The following NEK7 variants were observed in gnomAD, a reference collection of about 807,000 sequenced individuals.
The protein encoded by NEK7 is NIMA related kinase 7, also known as serine/threonine-protein kinase Nek7.
NEK7 carries 18 observed loss-of-function variants against 44.6 expected under a neutral mutation model. The observed-to-expected ratio is 0.40, with a 90% CI of 0.28 to 0.60. The LOEUF is 0.60. NEK7 is among the 20% of genes least tolerant of loss of function. The pLI, the probability that NEK7 is intolerant of heterozygous loss-of-function variation, is 0.38. For missense variants in NEK7, 256 were observed against 366.5 expected (o/e 0.70, Z 2.46); for synonymous variants, 130 against 121.1 (o/e 1.07, Z -0.48).
intron 1 of NEK7, among the ~76,000 whole-genome samples, chr1:198,209,180 C>T (rs2102813203): frequency 7.0e-6 from 1 of 143,562 alleles, no homozygotes; most frequent in South Asian, 2.2e-4. Flanking sequence ...GTAAAACTCT[C>T]CTCAGAAGGA....
chr1:198,279,190 C>T (rs1351942745), intron 7 of NEK7, 129 bp downstream of exon 7: 1 of 541,502 alleles, frequency 1.8e-6, no homozygotes, highest in African/African-American at 2.0e-5. Flanking sequence ...AGGTCCTGAA[C>T]AGATGCCTGC....
At chr1:198,265,925 C>T (rs868070236) in intron 5 of NEK7, among the ~76,000 whole-genome samples, 2 of 151,866 alleles carry the variant, frequency 1.3e-5, no homozygotes, top group African/African-American at 2.4e-5. Flanking sequence ...GTTACTTAAC[C>T]ATCATAATAA....
intron 2 of NEK7, among the ~76,000 whole-genome samples, chr1:198,238,812 C>G (rs1395755012): frequency 6.6e-6 from 1 of 152,194 alleles, no homozygotes; most frequent in Non-Finnish European, 1.5e-5. Flanking sequence ...CTTGAACAGT[C>G]TTATCTCCTC....
At position 198,231,139 on chromosome 1, in the gene NEK7, G is replaced by A. The variant is rs151021144; in HGVS notation, c.-28-1414G>A. ...ATAAGCTATAGTAATTAATACTGTA[G>A]TTTTATATAGAGTAGTAATAGTACA... On this transcript the variant is annotated intron_variant, in intron 1 of 9. Transcript: ENST00000367385. Among the ~76,000 whole-genome samples the A allele has an allele frequency of 4.4e-4, 66 of 150,972 alleles. No individual in the cohort carries two copies. In the East Asian group the frequency reaches 0.012, roughly 27 times the overall value.
intron 1 of NEK7, among the ~76,000 whole-genome samples, chr1:198,225,953 A>T (rs986850194): frequency 6.6e-6 from 1 of 152,092 alleles, no homozygotes; most frequent in African/African-American, 2.4e-5. Flanking sequence ...TTTTCTTGAC[A>T]TGCGTACATG....
chr1:198,164,269 C>G (rs976826532), intron 1 of NEK7, among the ~76,000 whole-genome samples: 1 of 152,168 alleles, frequency 6.6e-6, no homozygotes, highest in African/African-American at 2.4e-5. Context: ...GTACCAGGCC[C>G]CCAAGGGAGT....
intron 9 of NEK7, among the ~76,000 whole-genome samples, chr1:198,304,502 T>G (rs1184845246): frequency 2.0e-5 from 3 of 152,126 alleles, no homozygotes; most frequent in Non-Finnish European, 4.4e-5. Context: ...ATAACATAAT[T>G]GGTCTCAGAG....
At chr1:198,287,105 A>G (rs1654394978) in intron 7 of NEK7, among the ~76,000 whole-genome samples, 1 of 152,202 alleles carries the variant, frequency 6.6e-6, no homozygotes, top group Non-Finnish European at 1.5e-5. Context: ...GACTAATTTA[A>G]TAGACATTTT....
At chr1:198,173,466 G>A (rs1419275046) in intron 1 of NEK7, among the ~76,000 whole-genome samples, 1 of 151,214 alleles carries the variant, frequency 6.6e-6, no homozygotes, top group Non-Finnish European at 1.5e-5. Flanking sequence ...TTTTTGAAAG[G>A]TAAATAAATG....
At chr1:198,211,430 T>A (rs1665766833) in intron 1 of NEK7, among the ~76,000 whole-genome samples, 1 of 152,240 alleles carries the variant, frequency 6.6e-6, no homozygotes, top group Non-Finnish European at 1.5e-5. Context: ...TACATAGTTT[T>A]AAATCTTTGT....
chr1:198,221,068 C>G (rs546088379), intron 1 of NEK7: 9 of 152,072 alleles, frequency 5.9e-5, no homozygotes, highest in African/African-American at 1.9e-4. Flanking sequence ...AATCAGAAAA[C>G]TAAAAACTTC....
Position 198,254,760 on chromosome 1 carries a change from G to A in NEK7, c.198+1580G>A, listed in dbSNP as rs545274108. ...TAATGCCAAGTTGCTTTCCAAAGTT[G>A]CACTGGTGTAAGTTTTCGCCAGCAG... On this transcript the variant is annotated intron_variant, in intron 3 of 9. Transcript: ENST00000367385. 3.3e-5 allele frequency among the ~76,000 whole-genome samples: 5 copies of A among 152,234 alleles called. No homozygotes were observed. The South Asian group carries it at 6.2e-4, about 19-fold the overall frequency.
At chr1:198,246,161 G>T (rs1201178909) in intron 2 of NEK7, among the ~76,000 whole-genome samples, 7 of 152,168 alleles carry the variant, frequency 4.6e-5, no homozygotes, top group Non-Finnish European at 8.8e-5. Flanking sequence ...GAAGTATATA[G>T]ATATATTACC....
intron 9 of NEK7, among the ~76,000 whole-genome samples, chr1:198,298,530 A>T (rs528810395): frequency 1.3e-5 from 2 of 152,208 alleles, no homozygotes; most frequent in African/African-American, 2.4e-5. Context: ...TGTTAATACT[A>T]TTATGTTAGC....
chr1:198,204,075 G>A (rs1406431825), intron 1 of NEK7, among the ~76,000 whole-genome samples: 1 of 152,082 alleles, frequency 6.6e-6, no homozygotes, highest in African/African-American at 2.4e-5. Context: ...GGGCAGCATA[G>A]CGAGATCCTG....
chr1:198,218,564 A>C (rs543553621), intron 1 of NEK7, among the ~76,000 whole-genome samples: 2 of 151,992 alleles, frequency 1.3e-5, no homozygotes, highest in South Asian at 4.1e-4. Flanking sequence ...ACCAAAAATA[A>C]ATAAATGGGA....
chr1:198,158,073 T>C (rs961043050), intron 1 of NEK7, among the ~76,000 whole-genome samples: 1 of 152,212 alleles, frequency 6.6e-6, no homozygotes, highest in Non-Finnish European at 1.5e-5. Context: ...TGTTACACTG[T>C]AGGCCTTCAC....
intron 3 of NEK7, among the ~76,000 whole-genome samples, chr1:198,260,361 ACTAGAT>A (rs893643694): frequency 9.2e-5 from 14 of 151,732 alleles, no homozygotes; most frequent in African/African-American, 2.9e-4. Flanking sequence ...AACATATCTT[ACTAGAT>A]AGTTTATGTG....
At chr1:198,161,915 T>G (rs888445969) in intron 1 of NEK7, among the ~76,000 whole-genome samples, 1 of 152,102 alleles carries the variant, frequency 6.6e-6, no homozygotes, top group Non-Finnish European at 1.5e-5. Flanking sequence ...ATGACTACCT[T>G]TGTCTACTTT....
Sources: gnomAD v4.1 joint callset for allele counts (sites outside exome capture counted in the v4.1 genomes callset) on GRCh38, gnomAD v4.1.1 for gene constraint, MANE v1.5 for transcripts, NCBI Gene and HGNC (gene_info 2026-07-23, HGNC 2026-07-21) for gene names.